Variants in MAEA observed in about 807,000 individuals in gnomAD.
MAEA encodes macrophage erythroblast attacher, E3 ubiquitin ligase, also known as E3 ubiquitin-protein transferase MAEA.
Under a neutral mutation model 46.2 loss-of-function variants are expected in MAEA, and 22 were observed. The observed-to-expected ratio is 0.48, with a 90% CI of 0.34 to 0.68. MAEA has a LOEUF of 0.68. MAEA is among the 30% of genes least tolerant of loss of function. The pLI is 0.01. For missense variants in MAEA, 393 were observed against 558.1 expected, an observed-to-expected ratio of 0.70 and a Z score of 2.98; for synonymous variants, 246 against 222.6, an observed-to-expected ratio of 1.11 and a Z score of -0.94.
At chr4:1,332,467 C>A (rs1711963938) in intron 5 of MAEA, 1 of 308,086 alleles carries the variant, frequency 3.2e-6, no homozygotes, top group East Asian at 8.7e-5. Context: ...ATAATCCCAG[C>A]ACTTTGGGAG....
chr4:1,304,108 C>T lies in MAEA; in HGVS notation c.70-7871C>T, dbSNP rs182997007. On this transcript the variant is annotated intron_variant, in intron 1 of 8. Transcript: ENST00000303400. Reference sequence around the variant, plus strand: ...CACGCACCCTCCTCCCCCTGTCAGTCGTGTGGCTCCAGTTTCCTTCACCTC... The same window carrying T: ...CACGCACCCTCCTCCCCCTGTCAGTTGTGTGGCTCCAGTTTCCTTCACCTC... Among the ~76,000 whole-genome samples, 8 of 152,248 alleles carry T rather than the reference C, an allele frequency of 5.3e-5. No individual in the cohort carries two copies. The East Asian group carries it at 1.5e-3, about 29-fold the overall frequency.
At chr4:1,308,476 T>C (rs1736047507) in intron 1 of MAEA, among the ~76,000 whole-genome samples, 1 of 152,248 alleles carries the variant, frequency 6.6e-6, no homozygotes, top group African/African-American at 2.4e-5. Flanking sequence ...CTCAGGAGCC[T>C]TGTGCCTAAC....
intron 3 of MAEA, among the ~76,000 whole-genome samples, chr4:1,321,047 T>A (rs1029279610): frequency 8.6e-5 from 13 of 152,000 alleles, no homozygotes; most frequent in Non-Finnish European, 1.9e-4. Context: ...TTGCAGTGAG[T>A]GGAGATTGCG....
intron 3 of MAEA, among the ~76,000 whole-genome samples, chr4:1,321,763 C>T (rs1738140269): frequency 6.6e-6 from 1 of 152,156 alleles, no homozygotes; most frequent in South Asian, 2.1e-4. Context: ...TGCTGTCCTG[C>T]CCCTGCCAGA....
chr4:1,305,937 G>A (rs1433019992), intron 1 of MAEA, among the ~76,000 whole-genome samples: 6 of 152,168 alleles, frequency 3.9e-5, no homozygotes, highest in Non-Finnish European at 8.8e-5. Context: ...TCGGGCGGGC[G>A]GGAGATCCAA....
chr4:1,338,338 GC>G (rs1713071211), intron 7 of MAEA, 83 bp from the exon 8 acceptor site: 1 of 1,116,678 alleles, frequency 9.0e-7, no homozygotes, highest in African/African-American at 1.6e-5. Context: ...AGGGCACGCA[GC>G]CCAGGGCAGA....
At chr4:1,334,152 GCA>G (rs1412587197) in intron 6 of MAEA, among the ~76,000 whole-genome samples, 1,052 of 74,236 alleles carry the variant, frequency 0.014, 272 homozygotes, top group East Asian at 0.055. Flanking sequence ...GCTCACCCCT[GCA>G]TCCACCCCCA....
At chr4:1,293,339 C>T (rs541200509) in intron 1 of MAEA, among the ~76,000 whole-genome samples, 8 of 152,102 alleles carry the variant, frequency 5.3e-5, no homozygotes, top group Admixed American at 1.3e-4. Context: ...TGTGGTGAAC[C>T]GAGATTGCAC....
chr4:1,331,260 T>G (rs1020108862), intron 5 of MAEA: 4 of 150,612 alleles, frequency 2.7e-5, no homozygotes, highest in African/African-American at 9.8e-5. Flanking sequence ...CCGTGTGGAC[T>G]CACCCCCGAC....
At chr4:1,312,311 A>T (rs993506555) in intron 2 of MAEA, 150 bp downstream of exon 2, 1 of 815,388 alleles carries the variant, frequency 1.2e-6, no homozygotes, top group Non-Finnish European at 1.9e-6. Context: ...TTCTGGGGCC[A>T]CTGTCGGCTG....
intron 5 of MAEA, 57 bp from the exon 6 acceptor site, chr4:1,332,700 T>C (rs1712002946): frequency 5.1e-6 from 7 of 1,373,970 alleles, no homozygotes; most frequent in Non-Finnish European, 7.2e-6. Flanking sequence ...TGAAACCCTG[T>C]CTCTAAAAGT....
chr4:1,330,328 C>CTCTCTCTCTCTCTCT (rs1577226687), intron 5 of MAEA: 48 of 159,520 alleles, frequency 3.0e-4, no homozygotes, highest in African/African-American at 6.0e-4. Context: ...CTCTCTCTTT[C>CTCTCTCTCTCTCTCT]CGTGTGTGTG....
At position 1,321,876 on chromosome 4, in the gene MAEA, T is replaced by G. The variant is rs554943325; in HGVS notation, c.457-505T>G. ...GGGTTACTCTGTTTTTTTTGTTGTT[T>G]TTTTTTTTTTTCTTTGCTTTCATAT... On this transcript the variant is annotated intron_variant, in intron 3 of 8. Coordinates refer to ENST00000303400, the MANE Select transcript of MAEA (RefSeq NM_001017405.3). 7.3e-5 allele frequency among the ~76,000 whole-genome samples: 11 copies of G among 151,590 alleles called. 1 individual carries two copies. The South Asian group carries it at 1.5e-3, about 20-fold the overall frequency.
At chr4:1,337,100 G>A in intron 7 of MAEA, 106 bp downstream of exon 7, 1 of 1,393,182 alleles carries the variant, frequency 7.2e-7, no homozygotes. Context: ...TCCCACCACA[G>A]ACAGCCCCGA....
At chr4:1,309,489 T>G in intron 1 of MAEA, 1 of 1,329,908 alleles carries the variant, frequency 7.5e-7, no homozygotes, top group Non-Finnish European at 9.7e-7. Flanking sequence ...AGCTGCTGTC[T>G]GGGTCAGCAG....
intron 1 of MAEA, among the ~76,000 whole-genome samples, chr4:1,302,440 G>A (rs1242265139): frequency 1.3e-5 from 2 of 152,202 alleles, no homozygotes; most frequent in African/African-American, 4.8e-5. Context: ...TTCAGAATAG[G>A]TTAGGAACTC....
At chr4:1,334,090 CCATCCCATGCCTACCGTGCT>C (rs1410857558) in intron 6 of MAEA, among the ~76,000 whole-genome samples, 1 of 25,468 alleles carries the variant, frequency 3.9e-5, no homozygotes, top group Non-Finnish European at 7.8e-5. Flanking sequence ...ACCCCTGCAC[CCATCCCATGCCTACCGTGCT>C]CACCCCCATG....
At chr4:1,324,255 G>A (rs1013319685) in intron 4 of MAEA, among the ~76,000 whole-genome samples, 81 of 149,818 alleles carry the variant, frequency 5.4e-4, no homozygotes, top group African/African-American at 2.0e-3. Flanking sequence ...CGTGTCTGGT[G>A]TTGGATGAGT....
At chr4:1,295,375 G>A (rs1294235994) in intron 1 of MAEA, among the ~76,000 whole-genome samples, 2 of 152,090 alleles carry the variant, frequency 1.3e-5, no homozygotes, top group Non-Finnish European at 2.9e-5. Flanking sequence ...CACATTTAGT[G>A]ACTGTTGAGC....
Sources: allele counts gnomAD v4.1 joint callset (sites outside exome capture counted in the v4.1 genomes callset), GRCh38; gene constraint gnomAD v4.1.1; transcripts MANE v1.5; gene names NCBI Gene and HGNC (gene_info 2026-07-23, HGNC 2026-07-21).